Variants in PCDHA8 observed in about 807,000 individuals in gnomAD.
PCDHA8 encodes protocadherin alpha 8, also known as protocadherin alpha-8.
Under a neutral mutation model 61.8 loss-of-function variants are expected in PCDHA8, and 53 were observed. The ratio of observed to expected loss-of-function variants is 0.86; its 90% CI spans 0.69 to 1.08. The LOEUF is 1.08. PCDHA8 is among the 50% of genes least tolerant of loss of function. PCDHA8 has a pLI of 0.00. For synonymous variants in PCDHA8, 618 were observed against 556.6 expected (o/e 1.11, Z -1.55); for missense variants, 1,293 against 1,245.0 (o/e 1.04, Z -0.58).
chr5:140,989,387 T>A (rs1269344397), intron 3 of PCDHA8, among the ~76,000 whole-genome samples: 2 of 152,122 alleles, frequency 1.3e-5, no homozygotes, highest in Non-Finnish European at 2.9e-5. Context: ...GTGGGAAAGA[T>A]GATATGGAGG....
rs2150519763 is a variant in PCDHA8 at position 140,852,589 on chromosome 5, T to A, written c.2394+8874T>A. The A allele has an allele frequency of 2.2e-3, 1,950 of 884,634 alleles. 113 individuals are homozygous for A. Among genetic ancestry groups the A allele is most frequent in the South Asian group, 8.1e-3 (160 of 19,680 alleles). 54.8% of individuals were successfully genotyped at this position (884,634 alleles called of 1,614,324 possible). A position where few individuals can be genotyped will look rare whatever the true frequency, so the allele number is the denominator to read the frequency against. On this transcript the variant is annotated intron_variant, in intron 1 of 3. Coordinates refer to ENST00000531613, the MANE Select transcript of PCDHA8 (RefSeq NM_018911.3). Reference sequence around the variant, plus strand: ...CTGTGCCAAGGCTTTTTTATTTTTTTTTTTTGTCATTTTCTTTCAAAACTT... The same window carrying A: ...CTGTGCCAAGGCTTTTTTATTTTTTATTTTTGTCATTTTCTTTCAAAACTT...
chr5:140,844,871 C>A (rs1779583904), intron 1 of PCDHA8, among the ~76,000 whole-genome samples: 2 of 149,246 alleles, frequency 1.3e-5, no homozygotes, highest in African/African-American at 4.9e-5. Context: ...ATATTAAATA[C>A]CCATTAGACT....
chr5:141,005,308 TA>T (rs1345689314), intron 3 of PCDHA8, among the ~76,000 whole-genome samples: 4 of 152,214 alleles, frequency 2.6e-5, no homozygotes, highest in Non-Finnish European at 4.4e-5. Context: ...TTGTGAATCT[TA>T]CAGTGGTAGA....
rs952231570 is a variant in PCDHA8 at position 140,897,305 on chromosome 5, G to C, written c.2394+53590G>C. Among the ~76,000 whole-genome samples the C allele has an allele frequency of 1.9e-3, 284 of 150,706 alleles. 1 individual carries two copies. Among genetic ancestry groups the C allele is most frequent in the African/African-American group, 6.8e-3 (278 of 41,056 alleles). On this transcript the variant is annotated intron_variant, in intron 1 of 3. Coordinates refer to ENST00000531613, the MANE Select transcript of PCDHA8 (RefSeq NM_018911.3). ...CCATTAACTCGTCATTTAGCATTAG[G>C]TATATCTCCTAAAGCTATCCCTCCC...
At position 140,856,428 on chromosome 5, in the gene PCDHA8, A is replaced by G. The variant is rs782670614; in HGVS notation, c.2394+12713A>G. On this transcript the variant is annotated intron_variant, in intron 1 of 3. Coordinates refer to ENST00000531613, the MANE Select transcript of PCDHA8 (RefSeq NM_018911.3). ...GACGTGGAAGTGAAGGACATTAACG[A>G]CAACCCGCCCAGGTTCTCCGTAACA... The G allele has an allele frequency of 5.0e-6, 8 of 1,598,286 alleles. No homozygotes were observed. The East Asian group carries it at 1.8e-4, about 36-fold the overall frequency.
chr5:140,976,952 C>T lies in PCDHA8; in HGVS notation c.2395-1997C>T, dbSNP rs183824. 1.8e-3 allele frequency among the ~76,000 whole-genome samples: 271 copies of T among 152,298 alleles called. 1 individual carries two copies. Among genetic ancestry groups the T allele is most frequent in the African/African-American group, 6.2e-3 (258 of 41,574 alleles). The stretch of plus-strand genomic sequence containing the variant: ...GTAGCTACTTAAAACATATTATATG[C>T]TTTCTTCCTTTCCTTTTCCCTGCCT... On this transcript the variant is annotated intron_variant, in intron 1 of 3. Coordinates refer to ENST00000531613, the MANE Select transcript of PCDHA8 (RefSeq NM_018911.3).
chr5:140,866,156 GAA>G (rs1441624325), intron 1 of PCDHA8: 1 of 152,104 alleles, frequency 6.6e-6, no homozygotes, highest in Admixed American at 6.5e-5. Flanking sequence ...ATATAAGTAA[GAA>G]TCGTTTAACA....
chr5:140,882,288 G>C (rs1554173426), intron 1 of PCDHA8: 2 of 1,613,210 alleles, frequency 1.2e-6, no homozygotes, highest in East Asian at 2.2e-5. Flanking sequence ...TCCTGGCAAG[G>C]AGGCCCAAGA....
chr5:140,945,346 A>C (rs2093775452), intron 1 of PCDHA8, among the ~76,000 whole-genome samples: 1 of 152,132 alleles, frequency 6.6e-6, no homozygotes, highest in South Asian at 2.1e-4. Context: ...AGCTTGGAAA[A>C]ATTAATACTG....
At chr5:140,891,128 C>G (rs1554184692) in intron 1 of PCDHA8, among the ~76,000 whole-genome samples, 1 of 152,100 alleles carries the variant, frequency 6.6e-6, no homozygotes, top group Non-Finnish European at 1.5e-5. Flanking sequence ...AAATGTCATT[C>G]CTTTAAAGGT....
chr5:140,900,780 C>T (rs1554189418), intron 1 of PCDHA8, among the ~76,000 whole-genome samples: 1 of 152,192 alleles, frequency 6.6e-6, no homozygotes, highest in Admixed American at 6.5e-5. Flanking sequence ...TTTGAGGAAA[C>T]TCCAAACTGT....
intron 1 of PCDHA8, chr5:140,857,079 A>C: frequency 6.3e-7 from 1 of 1,597,252 alleles, no homozygotes; most frequent in African/African-American, 1.3e-5. Flanking sequence ...GATGAAAATG[A>C]TAATTCACCT....
intron 1 of PCDHA8, among the ~76,000 whole-genome samples, chr5:140,873,657 C>A (rs1270824058): frequency 6.6e-6 from 1 of 152,090 alleles, no homozygotes; most frequent in Non-Finnish European, 1.5e-5. Context: ...ACATAACACA[C>A]TATTATTATT....
At chr5:140,887,376 G>A (rs1169212781) in intron 1 of PCDHA8, among the ~76,000 whole-genome samples, 1 of 152,158 alleles carries the variant, frequency 6.6e-6, no homozygotes, top group Non-Finnish European at 1.5e-5. Context: ...GATTACAGGT[G>A]TGAGCCACCG....
In PCDHA8 at chr5:141,010,015, C is replaced by G; in HGVS notation, c.*78C>G. On this transcript the variant is annotated 3_prime_UTR_variant, in exon 4 of 4. Transcript: ENST00000531613. ...CTCTCCCATGTAGCAATTCCCTGCT[C>G]CTTTTTCCTATCTACATGAGCCCTC... is the stretch of plus-strand genomic sequence containing the variant. 6.4e-7 allele frequency: 1 copy of G among 1,572,182 alleles called. No homozygotes were observed. Among genetic ancestry groups the G allele is most frequent in the Non-Finnish European group, 8.6e-7 (1 of 1,163,250 alleles).
intron 1 of PCDHA8, chr5:140,866,746 G>A (rs1264233885): frequency 6.6e-6 from 1 of 152,118 alleles, no homozygotes; most frequent in Admixed American, 6.5e-5. Flanking sequence ...ATACTTATAT[G>A]ACTAACAGGA....
intron 1 of PCDHA8, among the ~76,000 whole-genome samples, chr5:140,926,054 T>A (rs1018660828): frequency 6.6e-6 from 1 of 152,182 alleles, no homozygotes; most frequent in African/African-American, 2.4e-5. Flanking sequence ...CCCAACCTTC[T>A]TCCCCTCCTT....
At chr5:140,967,144 C>T (rs1042081336) in intron 1 of PCDHA8, 9 of 1,611,144 alleles carry the variant, frequency 5.6e-6, no homozygotes, top group Non-Finnish European at 7.6e-6. Context: ...TGCTGGCGCA[C>T]AACCCCGTGG....
Position 140,857,323 on chromosome 5 carries a change from C to A in PCDHA8, c.2394+13608C>A, listed in dbSNP as rs782769711. 1.5e-5 allele frequency: 24 copies of A among 1,598,498 alleles called. 1 individual carries two copies. The East Asian group carries it at 5.1e-4, about 34-fold the overall frequency. On this transcript the variant is annotated intron_variant, in intron 1 of 3. Transcript: ENST00000531613. ...TGTCGGCCTATGAGCTGGTGGTGAC[C>A]GCGCGGGACGGGGGCTCGCCTCCGC...
Sources: gnomAD v4.1 joint callset for allele counts (sites outside exome capture counted in the v4.1 genomes callset) on GRCh38, gnomAD v4.1.1 for gene constraint, MANE v1.5 for transcripts, NCBI Gene and HGNC (gene_info 2026-07-23, HGNC 2026-07-21) for gene names.